Variants in NCOA2 observed in about 807,000 individuals in gnomAD.
NCOA2 encodes class E basic helix-loop-helix protein 75.
NCOA2 carries 21 observed loss-of-function variants against 145.1 expected under a neutral mutation model. The ratio of observed to expected loss-of-function variants is 0.14; its 90% CI spans 0.10 to 0.21. The LOEUF (loss-of-function observed/expected upper bound fraction) is 0.21. Ranked by LOEUF, NCOA2 falls within the 10% of genes least tolerant of loss-of-function variation. The probability of loss-of-function intolerance (pLI) is 1.00; values close to 1 mark genes in which losing one functional copy is unlikely to be tolerated. For synonymous variants in NCOA2, 619 were observed against 637.5 expected, an observed-to-expected ratio of 0.97 and a Z score of 0.44; for missense variants, 1,472 against 1,837.6, an observed-to-expected ratio of 0.80 and a Z score of 3.64.
At chr8:70,113,787 T>C (rs1585686213) in intron 22 of NCOA2, 144 bp from the exon 23 acceptor site, 4 of 794,134 alleles carry the variant, frequency 5.0e-6, no homozygotes, top group East Asian at 2.7e-5. Context: ...GTACATTCGA[T>C]GTGGAGGTGA....
upstream of NCOA2, among the ~76,000 whole-genome samples, chr8:70,405,692 T>TA (rs1563856655): frequency 2.7e-5 from 4 of 148,594 alleles, no homozygotes; most frequent in African/African-American, 4.9e-5. Context: ...AATAAAAATT[T>TA]AAAAAAAAGA....
intron 2 of NCOA2, among the ~76,000 whole-genome samples, chr8:70,271,797 T>C (rs985314269): frequency 1.3e-5 from 2 of 152,204 alleles, no homozygotes; most frequent in Admixed American, 1.3e-4. Flanking sequence ...TGTGCCTACA[T>C]ACTTGCCCTC....
chr8:70,260,209 G>C (rs917153085), intron 2 of NCOA2, among the ~76,000 whole-genome samples: 1 of 152,044 alleles, frequency 6.6e-6, no homozygotes, highest in Non-Finnish European at 1.5e-5. Context: ...ACAGGGTCTC[G>C]GTCTGTCGCC....
intron 1 of NCOA2, among the ~76,000 whole-genome samples, chr8:70,370,796 G>C (rs974605800): frequency 2.0e-5 from 3 of 152,088 alleles, no homozygotes; most frequent in Non-Finnish European, 4.4e-5. Context: ...GCCACAATTA[G>C]AAGAATGATA....
chr8:70,421,962 G>GC, the NCOA2 span, among the ~76,000 whole-genome samples: 5 of 152,042 alleles, frequency 3.3e-5, no homozygotes, highest in Non-Finnish European at 7.4e-5. Context: ...AGGTGTGGTG[G>GC]AGTGTGCCTG....
chr8:70,266,163 AAAAC>A lies in NCOA2; in HGVS notation c.-20+30577_-20+30580del, dbSNP rs568935537. On this transcript the variant is annotated intron_variant, in intron 2 of 22. Coordinates refer to ENST00000452400, the MANE Select transcript of NCOA2 (RefSeq NM_006540.4). ...AGACTCCGTCTCAAAAACAAAAACA[AAAAC>A]AAACAAACAAAAAGAGATGGAGTCT... is the stretch of plus-strand genomic sequence containing the variant. Among the ~76,000 whole-genome samples, 17 of 152,206 alleles carry A rather than the reference AAAAC, an allele frequency of 1.1e-4. No individual in the cohort carries two copies. The East Asian group carries it at 3.3e-3, about 29-fold the overall frequency.
chr8:70,212,099 ATT>A (rs1819104975), intron 4 of NCOA2, among the ~76,000 whole-genome samples: 1 of 146,822 alleles, frequency 6.8e-6, no homozygotes, highest in Non-Finnish European at 1.5e-5. Flanking sequence ...ATATATATAT[ATT>A]TGTTTTGAAA....
chr8:70,144,863 A>G lies in NCOA2; in HGVS notation c.2606-15T>C. On this transcript the variant is annotated splice_polypyrimidine_tract_variant and intron_variant, in intron 12 of 22. Transcript: ENST00000452400. ...GTTATTAAAAGCTAAGGAGAAAACAAATGAAAATTGAAGGTTAATATAGGA... is the reference window on the plus strand; with the variant it reads ...GTTATTAAAAGCTAAGGAGAAAACAGATGAAAATTGAAGGTTAATATAGGA... 1 of 1,607,888 alleles carries G rather than the reference A, an allele frequency of 6.2e-7. No individual in the cohort carries two copies. The highest frequency in any genetic ancestry group is 8.5e-7 in the Non-Finnish European group (1 of 1,174,296).
At chr8:70,321,407 G>A (rs1484628828) in intron 1 of NCOA2, among the ~76,000 whole-genome samples, 1 of 151,202 alleles carries the variant, frequency 6.6e-6, no homozygotes, top group Non-Finnish European at 1.5e-5. Flanking sequence ...CACTCCACCT[G>A]CCTCAGCCTC....
the NCOA2 span, among the ~76,000 whole-genome samples, chr8:70,437,612 C>T: frequency 6.6e-6 from 1 of 152,178 alleles, no homozygotes; most frequent in Non-Finnish European, 1.5e-5. Flanking sequence ...TCCTGTTTCC[C>T]AGTGCATAAG....
chr8:70,148,877 A>G (rs1254533668), intron 11 of NCOA2, among the ~76,000 whole-genome samples: 1 of 152,202 alleles, frequency 6.6e-6, no homozygotes, highest in Non-Finnish European at 1.5e-5. Flanking sequence ...TTTATCATCA[A>G]AACTCCCTAA....
intron 13 of NCOA2, among the ~76,000 whole-genome samples, chr8:70,143,090 C>T (rs1282531927): frequency 6.6e-6 from 1 of 152,050 alleles, no homozygotes; most frequent in African/African-American, 2.4e-5. Flanking sequence ...GCCGGGATTA[C>T]AGGTGCACGC....
the NCOA2 span, among the ~76,000 whole-genome samples, chr8:70,439,650 A>G: frequency 9.9e-5 from 14 of 142,052 alleles, no homozygotes; most frequent in African/African-American, 3.7e-4. Context: ...ACTGTAAGAA[A>G]ATAGCAGAGG....
At chr8:70,174,105 C>G (rs1029566342) in intron 5 of NCOA2, among the ~76,000 whole-genome samples, 3 of 152,044 alleles carry the variant, frequency 2.0e-5, no homozygotes, top group Non-Finnish European at 4.4e-5. Context: ...TAACCTACAT[C>G]TTGAATTTTA....
intron 1 of NCOA2, among the ~76,000 whole-genome samples, chr8:70,336,071 G>C (rs931514041): frequency 6.6e-6 from 1 of 152,154 alleles, no homozygotes; most frequent in Non-Finnish European, 1.5e-5. Context: ...TGCTGGGTGA[G>C]TCAGTGAGTG....
intron 1 of NCOA2, among the ~76,000 whole-genome samples, chr8:70,390,482 T>G (rs978170515): frequency 6.6e-6 from 1 of 152,116 alleles, no homozygotes; most frequent in Non-Finnish European, 1.5e-5. Flanking sequence ...AATATAATTA[T>G]GAGGCCAGGC....
At chr8:70,428,653 C>T in the NCOA2 span, among the ~76,000 whole-genome samples, 25 of 152,120 alleles carry the variant, frequency 1.6e-4, no homozygotes, top group East Asian at 4.8e-3. Flanking sequence ...TTGCTGTTAT[C>T]TAAAAAAATT....
At chr8:70,267,427 C>A (rs1298197903) in intron 2 of NCOA2, among the ~76,000 whole-genome samples, 7 of 146,074 alleles carry the variant, frequency 4.8e-5, no homozygotes, top group Non-Finnish European at 1.0e-4. Context: ...TGAGATAGGG[C>A]CTCGCTCTGT....
chr8:70,352,342 T>C (rs751632821), intron 1 of NCOA2, among the ~76,000 whole-genome samples: 2 of 152,120 alleles, frequency 1.3e-5, no homozygotes, highest in Non-Finnish European at 2.9e-5. Context: ...AGAGACAAAA[T>C]TGGAACGCAG....
Sources: gnomAD v4.1 joint callset for allele counts (sites outside exome capture counted in the v4.1 genomes callset) on GRCh38, gnomAD v4.1.1 for gene constraint, MANE v1.5 for transcripts, NCBI Gene and HGNC (gene_info 2026-07-23, HGNC 2026-07-21) for gene names.